The following PPP6C variants were observed in gnomAD, a reference collection of about 807,000 sequenced individuals.
The protein encoded by PPP6C is serine/threonine-protein phosphatase 6 catalytic subunit.
PPP6C carries 11 observed loss-of-function variants against 39.8 expected under a neutral mutation model. That is an observed-to-expected ratio of 0.28 (90% CI 0.17 to 0.46). The LOEUF is 0.46. Ranked by LOEUF, PPP6C falls within the 20% of genes least tolerant of loss-of-function variation. PPP6C has a pLI of 1.00. For missense variants in PPP6C, 211 were observed against 373.9 expected (o/e 0.56, Z 3.59); for synonymous variants, 129 against 130.3 (o/e 0.99, Z 0.07).
At chr9:125,165,046 A>C (rs1378405239) in intron 2 of PPP6C, among the ~76,000 whole-genome samples, 1 of 150,992 alleles carries the variant, frequency 6.6e-6, no homozygotes, top group Admixed American at 6.6e-5. Context: ...TGGGAAGTGG[A>C]ATTTTTTTTT....
intron 1 of PPP6C, among the ~76,000 whole-genome samples, chr9:125,176,792 T>C (rs1338481682): frequency 1.3e-5 from 2 of 152,186 alleles, no homozygotes; most frequent in Admixed American, 6.5e-5. Flanking sequence ...GTTAACTGGC[T>C]TGGACAGGGT....
chr9:125,160,757 A>G (rs1828852041), intron 3 of PPP6C, 84 bp downstream of exon 3: 9 of 1,006,274 alleles, frequency 8.9e-6, no homozygotes, highest in Non-Finnish European at 1.3e-5. Flanking sequence ...GTCACATGGT[A>G]AAGAATTATT....
At chr9:125,185,909 C>T (rs945445458) in intron 1 of PPP6C, among the ~76,000 whole-genome samples, 3 of 151,918 alleles carry the variant, frequency 2.0e-5, no homozygotes, top group African/African-American at 4.9e-5. Context: ...CGCTTGAACC[C>T]GGGAGGCAGA....
chr9:125,167,731 G>A (rs1408286903), intron 2 of PPP6C, among the ~76,000 whole-genome samples: 1 of 144,498 alleles, frequency 6.9e-6, no homozygotes, highest in Non-Finnish European at 1.5e-5. Context: ...TTTTTTTAGA[G>A]ATGGGGAGTC....
At chr9:125,172,294 T>C (rs942341570) in intron 1 of PPP6C, among the ~76,000 whole-genome samples, 1 of 152,146 alleles carries the variant, frequency 6.6e-6, no homozygotes, top group Non-Finnish European at 1.5e-5. Flanking sequence ...TTCAGTTCAC[T>C]GCAAACTGCC....
At chr9:125,150,006 A>G (rs1262654350) in intron 6 of PPP6C, 85 bp from the exon 7 acceptor site, 27 of 1,464,986 alleles carry the variant, frequency 1.8e-5, no homozygotes, top group Non-Finnish European at 2.4e-5. Flanking sequence ...ACCAAATCCT[A>G]TTACTACTAA....
intron 1 of PPP6C, among the ~76,000 whole-genome samples, chr9:125,174,187 T>C (rs1261476649): frequency 1.3e-5 from 2 of 151,986 alleles, no homozygotes; most frequent in African/African-American, 4.8e-5. Flanking sequence ...CTAACAAGCA[T>C]AATGAAATCA....
intron 4 of PPP6C, among the ~76,000 whole-genome samples, chr9:125,157,696 GTT>G (rs11375288): frequency 7.1e-6 from 1 of 140,028 alleles, no homozygotes; most frequent in African/African-American, 2.6e-5. Flanking sequence ...TTTTTTTTTG[GTT>G]TTTTTTTTTT....
chr9:125,149,516 A>G lies in PPP6C; in HGVS notation c.*157T>C. The G allele has an allele frequency of 4.2e-6, 4 of 952,290 alleles. No homozygotes were observed. In the South Asian group the frequency reaches 6.6e-5, roughly 16 times the overall value. 59.0% of individuals were successfully genotyped at this position (952,290 alleles called of 1,614,324 possible). A position where few individuals can be genotyped will look rare whatever the true frequency, so the allele number is the denominator to read the frequency against. On this transcript the variant is annotated 3_prime_UTR_variant, in exon 7 of 7. Coordinates refer to ENST00000373547, the MANE Select transcript of PPP6C (RefSeq NM_002721.5). ...AACTTTGCTATAGACACCACAACAAACAATAAATTTAGATAATTTAAAATT... is the reference window on the plus strand; with the variant it reads ...AACTTTGCTATAGACACCACAACAAGCAATAAATTTAGATAATTTAAAATT...
At chr9:125,160,505 G>GA (rs1330216277) in intron 3 of PPP6C, among the ~76,000 whole-genome samples, 1 of 152,136 alleles carries the variant, frequency 6.6e-6, no homozygotes, top group Non-Finnish European at 1.5e-5. Flanking sequence ...TAAGTCTCAT[G>GA]AGATCTGATG....
chr9:125,156,290 C>T (rs894189524), intron 4 of PPP6C, among the ~76,000 whole-genome samples: 3 of 152,096 alleles, frequency 2.0e-5, no homozygotes, highest in East Asian at 1.9e-4. Flanking sequence ...TGCTTTGTTT[C>T]GTTTTGAGAC....
chr9:125,174,090 C>T (rs529234769), intron 1 of PPP6C, among the ~76,000 whole-genome samples: 5 of 152,252 alleles, frequency 3.3e-5, no homozygotes, highest in Admixed American at 1.3e-4. Context: ...TCAGGTGGAA[C>T]CTTCCTTCCT....
intron 2 of PPP6C, among the ~76,000 whole-genome samples, chr9:125,166,873 T>C (rs569015739): frequency 3.3e-5 from 5 of 152,202 alleles, no homozygotes; most frequent in African/African-American, 1.2e-4. Flanking sequence ...ATATGCTTTA[T>C]GCATACTTCC....
At chr9:125,176,005 G>A (rs1829290060) in intron 1 of PPP6C, among the ~76,000 whole-genome samples, 1 of 152,178 alleles carries the variant, frequency 6.6e-6, no homozygotes. Flanking sequence ...CTAGAAGAGG[G>A]ATGGGGTGCT....
chr9:125,186,688 T>C (rs999549459), intron 1 of PPP6C, among the ~76,000 whole-genome samples: 3 of 151,624 alleles, frequency 2.0e-5, no homozygotes, highest in African/African-American at 7.3e-5. Context: ...AGGTCGAGGC[T>C]GCAATGAGCC....
rs1829304897 is a variant in PPP6C at position 125,176,681 on chromosome 9, G to C, written c.76-5501C>G. Among the ~76,000 whole-genome samples, 3 of 152,086 alleles carry C rather than the reference G, an allele frequency of 2.0e-5. No individual in the cohort carries two copies. The South Asian group carries it at 6.2e-4, about 32-fold the overall frequency. On this transcript the variant is annotated intron_variant, in intron 1 of 6. Coordinates refer to ENST00000373547, the MANE Select transcript of PPP6C (RefSeq NM_002721.5). Reference sequence around the variant, plus strand: ...CAAAATAACAAGAAAAGAGAAAATGGATTGATGGTGGTGGAGGGGTGGCTG... The same window carrying C: ...CAAAATAACAAGAAAAGAGAAAATGCATTGATGGTGGTGGAGGGGTGGCTG...
chr9:125,186,660 G>A (rs764005655), intron 1 of PPP6C, among the ~76,000 whole-genome samples: 20 of 151,888 alleles, frequency 1.3e-4, no homozygotes, highest in Admixed American at 3.3e-4. Context: ...TAAGGTGGGA[G>A]GACTGCCTGA....
At chr9:125,162,938 C>T (rs752983168) in intron 2 of PPP6C, among the ~76,000 whole-genome samples, 6 of 151,814 alleles carry the variant, frequency 4.0e-5, no homozygotes, top group East Asian at 1.9e-4. Flanking sequence ...ATTAGCCAGG[C>T]GTGGCGGCGG....
intron 6 of PPP6C, chr9:125,151,537 G>C: frequency 1.2e-6 from 1 of 817,016 alleles, no homozygotes; most frequent in East Asian, 2.5e-5. Context: ...AAGCCATCAG[G>C]AAAATTCACA....
Sources: gnomAD v4.1 joint callset for allele counts (sites outside exome capture counted in the v4.1 genomes callset) on GRCh38, gnomAD v4.1.1 for gene constraint, MANE v1.5 for transcripts, NCBI Gene and HGNC (gene_info 2026-07-23, HGNC 2026-07-21) for gene names.